The following SCGB2B2 variants were observed in gnomAD, a reference collection of about 807,000 sequenced individuals.
SCGB2B2 encodes the protein secretoglobin-like protein.
SCGB2B2 carries 11 observed loss-of-function variants against 7.6 expected under a neutral mutation model. The ratio of observed to expected loss-of-function variants is 1.45; its 90% CI spans 0.91 to 2.40. SCGB2B2 has a LOEUF of 2.40. SCGB2B2 is among the 30% of genes most tolerant of loss of function. The probability of loss-of-function intolerance (pLI) is 0.00; values close to 1 mark genes in which losing one functional copy is unlikely to be tolerated. For missense variants in SCGB2B2, 104 were observed against 115.4 expected (o/e 0.90, Z 0.45); for synonymous variants, 50 against 48.6 (o/e 1.03, Z -0.12).
chr19:34,617,961 G>A (rs565190567), intron 1 of SCGB2B2, among the ~76,000 whole-genome samples: 9 of 152,318 alleles, frequency 5.9e-5, no homozygotes, highest in African/African-American at 2.2e-4. Context: ...TGCGCTTCCC[G>A]AGTGAGGCAA....
chr19:34,611,695 G>GAT (rs1312424677), intron 1 of SCGB2B2, among the ~76,000 whole-genome samples: 10 of 151,172 alleles, frequency 6.6e-5, no homozygotes, highest in East Asian at 5.8e-4. Flanking sequence ...TGTTGCCCAG[G>GAT]CTGGAGTGCA....
intron 1 of SCGB2B2, among the ~76,000 whole-genome samples, chr19:34,619,749 A>C (rs1215540665): frequency 6.6e-6 from 1 of 152,240 alleles, no homozygotes; most frequent in African/African-American, 2.4e-5. Context: ...TACTGAGCAC[A>C]AGGTGACTGA....
At chr19:34,653,980 GA>G (rs386388914) in intron 1 of SCGB2B2, among the ~76,000 whole-genome samples, 4 of 147,594 alleles carry the variant, frequency 2.7e-5, no homozygotes, top group African/African-American at 7.7e-5. Flanking sequence ...AACGAGGCAA[GA>G]AAAAAAAAGC....
downstream of SCGB2B2, among the ~76,000 whole-genome samples, chr19:34,587,017 C>G (rs2065201254): frequency 1.3e-5 from 2 of 152,114 alleles, no homozygotes; most frequent in African/African-American, 2.4e-5. Flanking sequence ...AAGCGATTCT[C>G]CTGTCTCAGC....
intron 1 of SCGB2B2, 59 bp from the exon 2 acceptor site, chr19:34,596,653 C>G (rs1436662450): frequency 6.6e-6 from 1 of 152,354 alleles, no homozygotes; most frequent in Non-Finnish European, 1.5e-5. Context: ...AGGGCAGGGA[C>G]AGGGGATGTT....
chr19:34,650,330 ACCT>A (rs1388945838), intron 1 of SCGB2B2, among the ~76,000 whole-genome samples: 1 of 150,934 alleles, frequency 6.6e-6, no homozygotes, highest in African/African-American at 2.5e-5. Context: ...CCTTGGCCAA[ACCT>A]CCTGCTCACC....
At chr19:34,598,957 C>T (rs955501054) in intron 1 of SCGB2B2, among the ~76,000 whole-genome samples, 1 of 152,250 alleles carries the variant, frequency 6.6e-6, no homozygotes, top group South Asian at 2.1e-4. Context: ...CTCTGCTTAC[C>T]AAGTCCTGTG....
intron 1 of SCGB2B2, among the ~76,000 whole-genome samples, chr19:34,659,549 G>C (rs1269943545): frequency 6.6e-6 from 1 of 152,140 alleles, no homozygotes; most frequent in Non-Finnish European, 1.5e-5. Context: ...TTACTACAAA[G>C]AGAATAAAAT....
chr19:34,593,469 G>T lies in SCGB2B2; in HGVS notation c.*86C>A. ...GCTGCAGGTGTTCATTGGGGTCTCT[G>T]TAGTGATGAACAGAGCCAGGCCAGG... On this transcript the variant is annotated 3_prime_UTR_variant, in exon 4 of 4. Transcript: ENST00000601241. 2.0e-6 allele frequency: 2 copies of T among 1,000,820 alleles called. No homozygotes were observed. Among genetic ancestry groups the T allele is most frequent in the South Asian group, 1.4e-5 (1 of 72,092 alleles). The allele number at this position is 1,000,820 out of a possible 1,614,324, so 62.0% of individuals were successfully genotyped here. A position where few individuals can be genotyped will look rare whatever the true frequency, so the allele number is the denominator to read the frequency against.
chr19:34,611,491 G>A (rs751641455), intron 1 of SCGB2B2, among the ~76,000 whole-genome samples: 3 of 151,936 alleles, frequency 2.0e-5, no homozygotes, highest in Non-Finnish European at 2.9e-5. Context: ...GTGTCCTATA[G>A]ATGTTGATAT....
intron 1 of SCGB2B2, among the ~76,000 whole-genome samples, chr19:34,642,276 C>G (rs34980613): frequency 0.3 from 45,681 of 152,070 alleles, 7,594 homozygotes; most frequent in Non-Finnish European, 0.37. Context: ...GCAATGCTAC[C>G]CACAGGAGAG....
At chr19:34,672,324 T>C (rs1056004701) in intron 1 of SCGB2B2, among the ~76,000 whole-genome samples, 43 of 152,154 alleles carry the variant, frequency 2.8e-4, no homozygotes, top group Non-Finnish European at 1.5e-5. Context: ...TGCTATTCTG[T>C]TTTCCACATC....
chr19:34,618,152 C>T (rs137864574), intron 1 of SCGB2B2, among the ~76,000 whole-genome samples: 29 of 152,284 alleles, frequency 1.9e-4, no homozygotes, highest in African/African-American at 6.5e-4. Flanking sequence ...CATCTTGGCT[C>T]CTCCCCCGCA....
downstream of SCGB2B2, among the ~76,000 whole-genome samples, chr19:34,590,404 TTCATCC>T: frequency 6.6e-6 from 1 of 152,138 alleles, no homozygotes; most frequent in South Asian, 2.1e-4. Context: ...CATTCATCCA[TTCATCC>T]ATCCATCCAT....
intron 1 of SCGB2B2, among the ~76,000 whole-genome samples, chr19:34,649,713 G>C (rs1167594524): frequency 4.6e-5 from 7 of 151,958 alleles, no homozygotes; most frequent in African/African-American, 7.3e-5. Context: ...TTTTAGCTGG[G>C]TGTGGTGGCA....
In SCGB2B2 at chr19:34,638,477, C is replaced by G. The variant is rs1231851467; in HGVS notation, c.-2032+37153G>C. On this transcript the variant is annotated intron_variant, in intron 1 of 3. Coordinates refer to ENST00000601241, the MANE Select transcript of SCGB2B2 (RefSeq NM_001025591.4). The stretch of plus-strand genomic sequence containing the variant: ...AAAAAAAAGGAACACCCATCCCCCC[C>G]CAAAAAAACAAACAATGACAACAAC... Among the ~76,000 whole-genome samples, 8 of 151,442 alleles carry G rather than the reference C, an allele frequency of 5.3e-5. 1 individual carries two copies. The South Asian group carries it at 6.3e-4, about 12-fold the overall frequency.
intron 1 of SCGB2B2, among the ~76,000 whole-genome samples, chr19:34,671,498 C>T (rs1363395211): frequency 4.6e-5 from 7 of 151,624 alleles, no homozygotes; most frequent in African/African-American, 1.5e-4. Flanking sequence ...TTAGAATTCA[C>T]TTGTTATTTT....
chr19:34,596,251 G>C lies in SCGB2B2; in HGVS notation c.-1688C>G, dbSNP rs2065448463. 6.6e-6 allele frequency: 1 copy of C among 152,302 alleles called. No individual in the cohort carries two copies. The highest frequency in any genetic ancestry group is 2.1e-4 in the South Asian group (1 of 4,836). The allele number at this position is 152,302 out of a possible 1,614,324, so 9.4% of individuals were successfully genotyped here. A position where few individuals can be genotyped will look rare whatever the true frequency, so the allele number is the denominator to read the frequency against. On this transcript the variant is annotated 5_prime_UTR_variant, in exon 2 of 4. Transcript: ENST00000601241. ...GGCAGACGCTGAAGCAGGGGCTGTGGCTGAGCAGGGAGGATGGAGGCCACT... is the reference window on the plus strand; with the variant it reads ...GGCAGACGCTGAAGCAGGGGCTGTGCCTGAGCAGGGAGGATGGAGGCCACT...
chr19:34,601,892 CTTGT>C (rs563846280), intron 1 of SCGB2B2, among the ~76,000 whole-genome samples: 25 of 151,982 alleles, frequency 1.6e-4, no homozygotes, highest in East Asian at 7.7e-4. Flanking sequence ...GGAAGGGTTT[CTTGT>C]TTGTTTGTGT....
Sources: gnomAD v4.1 joint callset for allele counts (sites outside exome capture counted in the v4.1 genomes callset) on GRCh38, gnomAD v4.1.1 for gene constraint, MANE v1.5 for transcripts, NCBI Gene and HGNC (gene_info 2026-07-23, HGNC 2026-07-21) for gene names.